Variants in CLNK observed in about 807,000 individuals in gnomAD.
CLNK encodes cytokine dependent hematopoietic cell linker.
A neutral mutation model predicts 68.6 loss-of-function variants in CLNK; 74 were observed. That is an observed-to-expected ratio of 1.08 (90% CI 0.89 to 1.31). The LOEUF is 1.31. CLNK is among the 50% of genes most tolerant of loss of function. The pLI is 0.00. For synonymous variants in CLNK, 198 were observed against 172.2 expected (o/e 1.15, Z -1.17); for missense variants, 553 against 515.3 (o/e 1.07, Z -0.71).
At chr4:10,546,893 G>C (rs970045660) in intron 8 of CLNK, among the ~76,000 whole-genome samples, 1 of 152,162 alleles carries the variant, frequency 6.6e-6, no homozygotes. Flanking sequence ...TGCTGAAGGG[G>C]ACTTACTGCA....
At chr4:10,691,331 T>C in the CLNK span, among the ~76,000 whole-genome samples, 1 of 152,188 alleles carries the variant, frequency 6.6e-6, no homozygotes, top group African/African-American at 2.4e-5. Flanking sequence ...AGGACCCACC[T>C]TGTATCACCC....
intron 2 of CLNK, among the ~76,000 whole-genome samples, chr4:10,620,733 A>G (rs1722413760): frequency 6.6e-6 from 1 of 152,024 alleles, no homozygotes; most frequent in African/African-American, 2.4e-5. Flanking sequence ...TATAATGTTG[A>G]CAGTACAGTG....
At chr4:10,716,498 C>A in the CLNK span, among the ~76,000 whole-genome samples, 1 of 151,918 alleles carries the variant, frequency 6.6e-6, no homozygotes, top group Admixed American at 6.6e-5. Context: ...TGGCTAGGGA[C>A]CTCTAAACCT....
chr4:10,630,774 G>A (rs1440278346), intron 2 of CLNK, among the ~76,000 whole-genome samples: 1 of 152,086 alleles, frequency 6.6e-6, no homozygotes, highest in East Asian at 1.9e-4. Context: ...TTACTTATGA[G>A]GTACTTACCA....
intron 2 of CLNK, among the ~76,000 whole-genome samples, chr4:10,627,408 T>C (rs1440455504): frequency 6.6e-6 from 1 of 152,204 alleles, no homozygotes; most frequent in Admixed American, 6.5e-5. Context: ...AAACAATACC[T>C]TTAAAAAGCC....
At chr4:10,691,343 G>A in the CLNK span, among the ~76,000 whole-genome samples, 15 of 152,180 alleles carry the variant, frequency 9.9e-5, no homozygotes, top group Non-Finnish European at 1.0e-4. Context: ...GTATCACCCA[G>A]CAATAGTTGA....
intron 1 of CLNK, among the ~76,000 whole-genome samples, chr4:10,681,459 A>T (rs1282173000): frequency 6.6e-6 from 1 of 152,202 alleles, no homozygotes; most frequent in Non-Finnish European, 1.5e-5. Flanking sequence ...ACTGTTAAAG[A>T]TTATCATCCA....
chr4:10,701,526 C>T, the CLNK span, among the ~76,000 whole-genome samples: 1 of 152,240 alleles, frequency 6.6e-6, no homozygotes. Flanking sequence ...CTGTGAGATA[C>T]TGAAAATAAA....
At chr4:10,723,919 A>AGAGAGG in the CLNK span, among the ~76,000 whole-genome samples, 1 of 148,032 alleles carries the variant, frequency 6.8e-6, no homozygotes, top group Non-Finnish European at 1.5e-5. Context: ...AGAGAGAGAG[A>AGAGAGG]AGGCAGGGCA....
chr4:10,568,339 C>A (rs1400110343), intron 5 of CLNK, among the ~76,000 whole-genome samples: 2 of 151,990 alleles, frequency 1.3e-5, no homozygotes, highest in African/African-American at 4.8e-5. Flanking sequence ...AGAGGAGGAT[C>A]TATAGATAAA....
At chr4:10,595,832 T>A (rs1158418553) in intron 3 of CLNK, among the ~76,000 whole-genome samples, 1 of 152,140 alleles carries the variant, frequency 6.6e-6, no homozygotes, top group African/African-American at 2.4e-5. Context: ...ATTGTTGGGA[T>A]CCAGTGAGGG....
chr4:10,568,711 C>T (rs912904324), intron 5 of CLNK, among the ~76,000 whole-genome samples: 1 of 152,184 alleles, frequency 6.6e-6, no homozygotes. Flanking sequence ...ATGAAACAAC[C>T]CGAAAGAATC....
chr4:10,631,888 A>G (rs1722905465), intron 2 of CLNK, among the ~76,000 whole-genome samples: 3 of 152,322 alleles, frequency 2.0e-5, no homozygotes, highest in African/African-American at 7.2e-5. Flanking sequence ...ACAATTGGGT[A>G]AGGATTCAAA....
chr4:10,687,871 A>G (rs561310832), upstream of CLNK, among the ~76,000 whole-genome samples: 150 of 152,222 alleles, frequency 9.9e-4, no homozygotes, highest in Non-Finnish European at 1.8e-3. Context: ...TATCCCCCAT[A>G]TCCCTCTTGC....
the CLNK span, among the ~76,000 whole-genome samples, chr4:10,727,761 G>A: frequency 6.6e-6 from 1 of 152,182 alleles, no homozygotes; most frequent in Non-Finnish European, 1.5e-5. Context: ...TACTGGAGAT[G>A]TAAATAATGG....
At chr4:10,519,055 T>C (rs1351752246) in intron 15 of CLNK, among the ~76,000 whole-genome samples, 1 of 152,176 alleles carries the variant, frequency 6.6e-6, no homozygotes, top group Non-Finnish European at 1.5e-5. Flanking sequence ...CAGCCCAATT[T>C]TTGGTACAAA....
chr4:10,583,364 G>A (rs971792266), intron 4 of CLNK, among the ~76,000 whole-genome samples: 3 of 151,976 alleles, frequency 2.0e-5, no homozygotes, highest in Non-Finnish European at 2.9e-5. Flanking sequence ...TGGGCTCCCT[G>A]CAACCTCCAT....
rs145740730 is a variant in CLNK at position 10,666,671 on chromosome 4, G to A, written c.11+1188C>T. 1.0e-3 allele frequency among the ~76,000 whole-genome samples: 155 copies of A among 152,352 alleles called. 4 individuals carry two copies. The East Asian group carries it at 0.019, about 19-fold the overall frequency. On this transcript the variant is annotated intron_variant, in intron 2 of 18. Transcript: ENST00000226951. ...CAGTCCTGCTGTAAGGATCGGGGAG[G>A]AAAAGGAGGTCACAACTCCTGGCAA... is the stretch of plus-strand genomic sequence containing the variant.
At chr4:10,702,790 C>T in the CLNK span, among the ~76,000 whole-genome samples, 4 of 152,104 alleles carry the variant, frequency 2.6e-5, no homozygotes, top group Non-Finnish European at 2.9e-5. Context: ...TAGAATACTG[C>T]CTGGAACTTG....
Sources: allele counts gnomAD v4.1 joint callset (sites outside exome capture counted in the v4.1 genomes callset), GRCh38; gene constraint gnomAD v4.1.1; transcripts MANE v1.5; gene names NCBI Gene and HGNC (gene_info 2026-07-23, HGNC 2026-07-21).